Variants in OSBPL8 observed in about 807,000 individuals in gnomAD.
OSBPL8 encodes oxysterol binding protein like 8, also known as oxysterol-binding protein-related protein 8.
In OSBPL8, 59 loss-of-function variants were observed where a neutral mutation model predicts 125.5. The observed-to-expected ratio is 0.47, with a 90% confidence interval of 0.38 to 0.58. The LOEUF (loss-of-function observed/expected upper bound fraction) is 0.58, where lower values mean the gene tolerates loss of function less well. Ranked by LOEUF, OSBPL8 falls within the 20% of genes least tolerant of loss-of-function variation. The pLI is 0.00. For missense variants in OSBPL8, 758 were observed against 1,047.8 expected (o/e 0.72, Z 3.82); for synonymous variants, 330 against 338.9 (o/e 0.97, Z 0.29).
At chr12:76,528,038 G>A (rs1950225051) in intron 1 of OSBPL8, among the ~76,000 whole-genome samples, 1 of 151,888 alleles carries the variant, frequency 6.6e-6, no homozygotes, top group Non-Finnish European at 1.5e-5. Flanking sequence ...AAGCATTATT[G>A]TTGGCCAGGC....
In OSBPL8 at chr12:76,353,879, C is replaced by T. The variant is rs1265051785; in HGVS notation, c.*2010G>A. On this transcript the variant is annotated 3_prime_UTR_variant, in exon 24 of 24. Coordinates refer to ENST00000261183, the MANE Select transcript of OSBPL8 (RefSeq NM_020841.5). ...ATTTTAAAAATAAAGAACACAACTA[C>T]CTATTTAGTCTTAGAAGATACCCAT... 6.6e-6 allele frequency: 1 copy of T among 152,344 alleles called. No homozygotes were observed. The highest frequency in any genetic ancestry group is 2.4e-5 in the African/African-American group (1 of 41,424). The allele number at this position is 152,344 out of a possible 1,614,324, so 9.4% of individuals were successfully genotyped here.
intron 15 of OSBPL8, among the ~76,000 whole-genome samples, chr12:76,383,847 T>C (rs1053857959): frequency 1.3e-5 from 2 of 152,208 alleles, no homozygotes; most frequent in African/African-American, 4.8e-5. Context: ...CAAAGTTAAA[T>C]ATATTTACTG....
intron 5 of OSBPL8, 77 bp from the exon 6 acceptor site, chr12:76,402,843 A>C: frequency 1.0e-6 from 1 of 959,994 alleles, no homozygotes; most frequent in Non-Finnish European, 1.6e-6. Context: ...TGTTAAAATT[A>C]TGTGACATTT....
chr12:76,399,862 A>T lies in OSBPL8; in HGVS notation c.468+11T>A, dbSNP rs1452688310. 1 of 1,580,026 alleles carries T rather than the reference A, an allele frequency of 6.3e-7. No individual in the cohort carries two copies. On this transcript the variant is annotated intron_variant, in intron 7 of 23. Coordinates refer to ENST00000261183, the MANE Select transcript of OSBPL8 (RefSeq NM_020841.5). ...CCAGCAATCTGAATTCATGATTCAAAACACACTGACCTTTAACCAATCAGC... is the reference window on the plus strand; with the variant it reads ...CCAGCAATCTGAATTCATGATTCAATACACACTGACCTTTAACCAATCAGC...
chr12:76,383,337 T>C (rs918907094), intron 15 of OSBPL8, among the ~76,000 whole-genome samples: 5 of 149,160 alleles, frequency 3.4e-5, no homozygotes, highest in African/African-American at 4.9e-5. Context: ...ATATGAAATA[T>C]AGATAAACTT....
intron 21 of OSBPL8, among the ~76,000 whole-genome samples, chr12:76,362,526 G>A (rs896182547): frequency 4.6e-5 from 7 of 152,066 alleles, no homozygotes; most frequent in Non-Finnish European, 7.4e-5. Context: ...TCTATGGAAC[G>A]TATCTCAAAA....
intron 3 of OSBPL8, among the ~76,000 whole-genome samples, chr12:76,455,020 G>A (rs1873860018): frequency 6.6e-6 from 1 of 151,738 alleles, no homozygotes; most frequent in Admixed American, 6.6e-5. Flanking sequence ...GGATCACGAG[G>A]TCAGGAGATT....
intron 15 of OSBPL8, among the ~76,000 whole-genome samples, chr12:76,383,870 C>T (rs959091590): frequency 2.0e-5 from 3 of 152,010 alleles, no homozygotes; most frequent in Non-Finnish European, 2.9e-5. Flanking sequence ...TGACCCTGGG[C>T]CAGGTATCGT....
intron 4 of OSBPL8, among the ~76,000 whole-genome samples, chr12:76,418,010 CTTTTTTTTT>C (rs35319213): frequency 3.6e-5 from 4 of 111,558 alleles, no homozygotes; most frequent in Non-Finnish European, 5.4e-5. Context: ...TTTTCACTAC[CTTTTTTTTT>C]TTTTTTTTTT....
At chr12:76,559,040 C>A (rs1951193225) in intron 1 of OSBPL8, among the ~76,000 whole-genome samples, 1 of 152,196 alleles carries the variant, frequency 6.6e-6, no homozygotes, top group African/African-American at 2.4e-5. Flanking sequence ...AGCGACAAAG[C>A]GCCAGCTCTC....
At chr12:76,367,237 T>TGTGTGG (rs987313721) in intron 21 of OSBPL8, among the ~76,000 whole-genome samples, 2 of 151,926 alleles carry the variant, frequency 1.3e-5, no homozygotes, top group Non-Finnish European at 2.9e-5. Context: ...TTGGTGTGTG[T>TGTGTGG]GTGTGTGTGT....
At chr12:76,448,237 G>T (rs369757369) in intron 4 of OSBPL8, among the ~76,000 whole-genome samples, 9 of 152,052 alleles carry the variant, frequency 5.9e-5, no homozygotes, top group East Asian at 5.8e-4. Context: ...CTATACAATG[G>T]GTATATTAGT....
intron 2 of OSBPL8, 51 bp from the exon 3 acceptor site, chr12:76,459,946 A>G: frequency 6.3e-7 from 1 of 1,593,282 alleles, no homozygotes; most frequent in Non-Finnish European, 8.6e-7. Flanking sequence ...CAAATCAGGA[A>G]GAAGCAAAAT....
intron 1 of OSBPL8, among the ~76,000 whole-genome samples, chr12:76,530,767 G>A (rs377728475): frequency 6.6e-6 from 1 of 152,156 alleles, no homozygotes; most frequent in East Asian, 1.9e-4. Context: ...GAGATAAGGA[G>A]CTAACTTTAT....
chr12:76,416,071 C>G (rs192673757), intron 4 of OSBPL8, among the ~76,000 whole-genome samples: 321 of 152,148 alleles, frequency 2.1e-3, no homozygotes, highest in Non-Finnish European at 3.9e-3. Context: ...CTCTTAATCA[C>G]GATTTTAAAG....
At chr12:76,387,381 C>T (rs1015248608) in intron 12 of OSBPL8, among the ~76,000 whole-genome samples, 7 of 152,200 alleles carry the variant, frequency 4.6e-5, no homozygotes, top group African/African-American at 1.7e-4. Context: ...ATTCTTCAAC[C>T]TGCTCTTGTG....
At chr12:76,426,643 T>A (rs1288772437) in intron 4 of OSBPL8, among the ~76,000 whole-genome samples, 7 of 152,150 alleles carry the variant, frequency 4.6e-5, no homozygotes, top group African/African-American at 1.7e-4. Flanking sequence ...TACGTAAGTA[T>A]TGGTTTTATT....
At chr12:76,527,862 A>G (rs1395142631) in intron 1 of OSBPL8, among the ~76,000 whole-genome samples, 1 of 152,222 alleles carries the variant, frequency 6.6e-6, no homozygotes, top group African/African-American at 2.4e-5. Context: ...CTAGATAAAC[A>G]TTCTTGAAAA....
intron 3 of OSBPL8, 96 bp downstream of exon 3, chr12:76,459,763 T>C: frequency 1.4e-5 from 20 of 1,392,510 alleles, no homozygotes; most frequent in Middle Eastern, 1.8e-4. Flanking sequence ...GAACACTTAA[T>C]AATTCAAAAT....
Sources: allele counts gnomAD v4.1 joint callset (sites outside exome capture counted in the v4.1 genomes callset), GRCh38; gene constraint gnomAD v4.1.1; transcripts MANE v1.5; gene names NCBI Gene and HGNC (gene_info 2026-07-23, HGNC 2026-07-21).